TWF2: variants seen among roughly 807,000 people sequenced by gnomAD.
TWF2 encodes the protein twinfilin actin binding protein 2, also known as twinfilin-2.
Under a neutral mutation model 45.1 loss-of-function variants are expected in TWF2, and 15 were observed. The ratio of observed to expected loss-of-function variants is 0.33; its 90% confidence interval spans 0.22 to 0.51. TWF2 has a LOEUF of 0.51. TWF2 is among the 20% of genes least tolerant of loss of function. The pLI, the probability that TWF2 is intolerant of heterozygous loss-of-function variation, is 0.97. For missense variants in TWF2, 423 were observed against 469.1 expected, an observed-to-expected ratio of 0.90 and a Z score of 0.91; for synonymous variants, 177 against 195.8, an observed-to-expected ratio of 0.90 and a Z score of 0.80.
intron 3 of TWF2, among the ~76,000 whole-genome samples, 193 bp from the exon 4 acceptor site, chr3:52,231,732 G>A (rs546269420): frequency 9.2e-5 from 14 of 152,322 alleles, no homozygotes; most frequent in African/African-American, 2.2e-4. Flanking sequence ...CACAGCCTCC[G>A]GAGCCAGGCT....
At position 52,229,670 on chromosome 3, in the gene TWF2, G is replaced by T. The variant is rs55836915; in HGVS notation, c.873C>A (p.Ile291=). The change falls in exon 8 of 9, where the codon ATC becomes ATA. Residue 291 remains isoleucine (I), a synonymous_variant. Transcript: ENST00000305533. ...TGGGGAGGGCGCCTACTTTCTTGGC[G>T]ATCTCCAGATGGAAGTCCTGCTCCA... ...DSVEQDFHLE[I]AKKIEIGDGA... 1.9e-5 allele frequency: 30 copies of T among 1,613,424 alleles called. No individual in the cohort carries two copies. Among genetic ancestry groups the T allele is most frequent in the Admixed American group, 1.0e-4 (6 of 60,024 alleles).
intron 2 of TWF2, chr3:52,232,355 C>G: frequency 1.7e-6 from 1 of 573,338 alleles, no homozygotes; most frequent in South Asian, 2.1e-5. Context: ...AGCGCGTGCA[C>G]ACACCCCCCC....
rs115709746 is a variant in TWF2, at chr3:52,235,102, C to T, written c.30G>A (p.Thr10=). ...TGGCAAAGAATTCCTTCAGCTCTTCCGTGGCTATAAGAACAAGAAACATGG... is the reference window on the plus strand; with the variant it reads ...TGGCAAAGAATTCCTTCAGCTCTTCTGTGGCTATAAGAACAAGAAACATGG... MAHQTGIHA[T]EELKEFFAKA... The change falls in exon 2 of 9, where the codon ACG becomes ACA. Residue 10 remains threonine, a synonymous_variant. Transcript: ENST00000305533. 454 of 1,613,872 alleles carry T rather than the reference C, an allele frequency of 2.8e-4. 3 individuals are homozygous for T. The highest frequency in any genetic ancestry group is 2.7e-3 in the South Asian group (245 of 91,082).
Position 52,235,101 on chromosome 3 carries a change from C to T in TWF2, c.31G>A (p.Glu11Lys). The T allele has an allele frequency of 1.2e-6, 2 of 1,613,914 alleles. No homozygotes were observed. The highest frequency in any genetic ancestry group is 1.7e-6 in the Non-Finnish European group (2 of 1,180,020). MAHQTGIHAT[E>K]ELKEFFAKAR... ...TTGGCAAAGAATTCCTTCAGCTCTT[C>T]CGTGGCTATAAGAACAAGAAACATG... is the stretch of plus-strand genomic sequence containing the variant. Residue 11 changes from glutamate to lysine, a missense_variant, in exon 2 of 9, where the codon GAA becomes AAA. Glu to Lys is a moderately conservative substitution (Grantham distance 56, BLOSUM62 1). Coordinates refer to ENST00000305533, the MANE Select transcript of TWF2 (RefSeq NM_007284.4).
chr3:52,229,157 G>A lies in TWF2; in HGVS notation c.927C>T (p.Tyr309=), dbSNP rs373387876. 70 of 1,612,982 alleles carry A rather than the reference G, an allele frequency of 4.3e-5. No homozygotes were observed. Among genetic ancestry groups the A allele is most frequent in the Non-Finnish European group, 5.3e-5 (62 of 1,179,998 alleles). Residue 309 remains tyrosine, a synonymous_variant, in exon 9 of 9, where the codon TAC becomes TAT. Transcript: ENST00000305533. ...CGTGTTGCTTGGGGTGCACCTCGTC[G>A]TAGAGGAACTCTGCCGTCAGCTCTG... ...DGAELTAEFL[Y]DEVHPKQHAF...
At chr3:52,233,008 T>C (rs902060589) in intron 2 of TWF2, among the ~76,000 whole-genome samples, 36 of 152,052 alleles carry the variant, frequency 2.4e-4, no homozygotes, top group Admixed American at 2.4e-3. Context: ...CGAAACTCCG[T>C]CTCAAAAAAA....
chr3:52,232,271 G>A, intron 2 of TWF2, 149 bp from the exon 3 acceptor site: 1 of 1,035,180 alleles, frequency 9.7e-7, no homozygotes, highest in Non-Finnish European at 1.4e-6. Flanking sequence ...AGAAGTGTGA[G>A]GCTGTGTGGC....
rs765720266 is a variant in TWF2 at position 52,230,917 on chromosome 3, G to A, written c.562C>T (p.Arg188Trp). The A allele has an allele frequency of 9.3e-6, 15 of 1,607,984 alleles. No individual in the cohort carries two copies. The highest frequency in any genetic ancestry group is 3.4e-5 in the Admixed American group (2 of 58,904). Residue 188 changes from arginine to tryptophan, a missense_variant, in exon 6 of 9, where the codon CGG (arginine) becomes TGG (tryptophan). Coordinates refer to ENST00000305533, the MANE Select transcript of TWF2 (RefSeq NM_007284.4). ...TTCTGCTTGAGCTGCTGGAGTGCCCGCTGGGCCTCAGGCTGCAGGGGGAAG... is the reference window on the plus strand; with the variant it reads ...TTCTGCTTGAGCTGCTGGAGTGCCCACTGGGCCTCAGGCTGCAGGGGGAAG... Reference protein sequence around the residue: ...LAFPLQPEAQRALQQLKQKMV... With the variant: ...LAFPLQPEAQWALQQLKQKMV...
chr3:52,232,692 G>A (rs533679383), intron 2 of TWF2, among the ~76,000 whole-genome samples: 1 of 152,312 alleles, frequency 6.6e-6, no homozygotes, highest in Admixed American at 6.5e-5. Flanking sequence ...ACATCCTGCG[G>A]CTACCTGCCA....
At position 52,239,008 on chromosome 3, in the gene TWF2, G is replaced by A. The variant is rs1172525228; in HGVS notation, c.9C>T (p.His3=). ...CGCCCTCACCGTGGATGCCCGTTTG[G>A]TGCGCCATGGCTCGGCGCTTCGCTC... is the stretch of plus-strand genomic sequence containing the variant. The part of the protein sequence containing the change: MA[H]QTGIHATEEL... The change falls in exon 1 of 9, where the codon CAC becomes CAT. Residue 3 remains histidine (H), a synonymous_variant. Coordinates refer to ENST00000305533, the MANE Select transcript of TWF2 (RefSeq NM_007284.4). 1.3e-6 allele frequency: 2 copies of A among 1,596,164 alleles called. No individual in the cohort carries two copies. The highest frequency in any genetic ancestry group is 2.2e-5 in the East Asian group (1 of 44,794).
chr3:52,230,270 C>A (rs1699666489), intron 6 of TWF2, among the ~76,000 whole-genome samples, 200 bp from the exon 7 acceptor site: 1 of 152,226 alleles, frequency 6.6e-6, no homozygotes, highest in African/African-American at 2.4e-5. Context: ...CCAACTCTGC[C>A]CCTTTGAAGG....
At chr3:52,238,395 G>A (rs1355123116) in intron 1 of TWF2, among the ~76,000 whole-genome samples, 1 of 152,200 alleles carries the variant, frequency 6.6e-6, no homozygotes, top group Non-Finnish European at 1.5e-5. Context: ...GCAAAGGTCA[G>A]GGCCTTCTCC....
In TWF2 at chr3:52,228,787, A is replaced by T; in HGVS notation, c.*247T>A. On this transcript the variant is annotated 3_prime_UTR_variant, in exon 9 of 9. Coordinates refer to ENST00000305533, the MANE Select transcript of TWF2 (RefSeq NM_007284.4). Reference sequence around the variant, plus strand: ...CAGGTTCATGCCAGGCCCCTGACCCAGCCCCCTTAAGCCAGCCAGGCAGGG... The same window carrying T: ...CAGGTTCATGCCAGGCCCCTGACCCTGCCCCCTTAAGCCAGCCAGGCAGGG... 1 of 575,700 alleles carries T rather than the reference A, an allele frequency of 1.7e-6. No individual in the cohort carries two copies. Among genetic ancestry groups the T allele is most frequent in the South Asian group, 2.2e-5 (1 of 45,880 alleles). The allele number at this position is 575,700 out of a possible 1,614,324, so 35.7% of individuals were successfully genotyped here.
intron 1 of TWF2, among the ~76,000 whole-genome samples, chr3:52,236,526 T>C (rs950915970): frequency 6.6e-6 from 1 of 152,090 alleles, no homozygotes; most frequent in African/African-American, 2.4e-5. Context: ...CAGTGTGACC[T>C]TGAGGCTGCC....
chr3:52,228,875 T>C lies in TWF2; in HGVS notation c.*159A>G, dbSNP rs1016694176. On this transcript the variant is annotated 3_prime_UTR_variant, in exon 9 of 9. Coordinates refer to ENST00000305533, the MANE Select transcript of TWF2 (RefSeq NM_007284.4). ...ACAGCAACAGGGAAGGGTCACAAAATGCCAGCCCGGTGGCCCTCGGACGCT... is the reference window on the plus strand; with the variant it reads ...ACAGCAACAGGGAAGGGTCACAAAACGCCAGCCCGGTGGCCCTCGGACGCT... 28 of 1,118,922 alleles carry C rather than the reference T, an allele frequency of 2.5e-5. No individual in the cohort carries two copies. In the East Asian group the frequency reaches 7.4e-4, roughly 30 times the overall value. The allele number at this position is 1,118,922 out of a possible 1,614,324, so 69.3% of individuals were successfully genotyped here. A position where few individuals can be genotyped will look rare whatever the true frequency, so the allele number is the denominator to read the frequency against.
At position 52,232,118 on chromosome 3, in the gene TWF2, C is replaced by A. The variant is rs1289504178; in HGVS notation, c.108G>T (p.Gln36His). 2.5e-6 allele frequency: 4 copies of A among 1,583,588 alleles called. No individual in the cohort carries two copies. Among genetic ancestry groups the A allele is most frequent in the African/African-American group, 1.4e-5 (1 of 74,024 alleles). ...RLIKVVIEDE[Q>H]LVLGASQEPV... ...GCTCCTGCGAGGCACCCAGCACGAG[C>A]TGCTCTGGGGGCAGAGGCCGGATGA... Residue 36 changes from glutamine (Q) to histidine (H), a missense_variant, in exon 3 of 9, where the codon CAG (glutamine) becomes CAT (histidine). By Grantham distance (24) the Gln-to-His change is conservative. Transcript: ENST00000305533.
At chr3:52,232,360 C>A (rs137889322) in intron 2 of TWF2, 357 of 570,114 alleles carry the variant, frequency 6.3e-4, no homozygotes, top group African/African-American at 1.8e-3. Flanking sequence ...GTGCACACAC[C>A]CCCCCACACA....
chr3:52,238,888 T>C (rs932502500), intron 1 of TWF2, 104 bp downstream of exon 1: 22 of 1,450,118 alleles, frequency 1.5e-5, no homozygotes, highest in African/African-American at 1.1e-4. Flanking sequence ...AACAGGAAGC[T>C]TTCTCCCGGC....
chr3:52,234,591 G>A (rs1240762843), intron 2 of TWF2, among the ~76,000 whole-genome samples: 1 of 152,172 alleles, frequency 6.6e-6, no homozygotes, highest in African/African-American at 2.4e-5. Context: ...CAAGAGAAGG[G>A]TGCAGGATCT....
Sources: gnomAD v4.1 joint callset for allele counts (sites outside exome capture counted in the v4.1 genomes callset) on GRCh38, gnomAD v4.1.1 for gene constraint, MANE v1.5 for transcripts, NCBI Gene and HGNC (gene_info 2026-07-23, HGNC 2026-07-21) for gene names.